The following CNTNAP2 variants were observed in gnomAD, a reference collection of about 807,000 sequenced individuals.
The protein encoded by CNTNAP2 is contactin associated protein 2, also known as contactin-associated protein-like 2.
In CNTNAP2, 98 loss-of-function variants were observed where a neutral mutation model predicts 155.2. That is an observed-to-expected ratio of 0.63 (90% CI 0.54 to 0.75). CNTNAP2 has a LOEUF of 0.75. Ranked by LOEUF, CNTNAP2 falls within the 30% of genes least tolerant of loss-of-function variation. The pLI is 0.00. For missense variants in CNTNAP2, 1,727 were observed against 1,688.1 expected (o/e 1.02, Z -0.40); for synonymous variants, 651 against 631.2 (o/e 1.03, Z -0.47).
chr7:148,053,139 A>G (rs977442995), intron 15 of CNTNAP2, among the ~76,000 whole-genome samples: 2 of 152,260 alleles, frequency 1.3e-5, no homozygotes, highest in Non-Finnish European at 2.9e-5. Flanking sequence ...AAATTATGAT[A>G]GAACACTGAT....
chr7:147,895,390 G>A (rs974101712), intron 13 of CNTNAP2, among the ~76,000 whole-genome samples: 1 of 151,992 alleles, frequency 6.6e-6, no homozygotes, highest in Admixed American at 6.6e-5. Context: ...AATAAAACTT[G>A]ATCTGAAGTG....
chr7:148,034,818 T>G (rs1204511859), intron 15 of CNTNAP2, among the ~76,000 whole-genome samples: 1 of 152,100 alleles, frequency 6.6e-6, no homozygotes, highest in Non-Finnish European at 1.5e-5. Flanking sequence ...ATAGGGGAAG[T>G]AGAGATTACT....
chr7:147,213,252 T>G (rs1278565322), intron 8 of CNTNAP2, among the ~76,000 whole-genome samples: 1 of 152,148 alleles, frequency 6.6e-6, no homozygotes, highest in Non-Finnish European at 1.5e-5. Context: ...AAATTCACCC[T>G]CTCTTCGTCT....
chr7:146,687,256 C>T (rs1800616802), intron 1 of CNTNAP2, among the ~76,000 whole-genome samples: 1 of 152,080 alleles, frequency 6.6e-6, no homozygotes, highest in Admixed American at 6.6e-5. Flanking sequence ...GGTTAAACTG[C>T]CTGGAATGAA....
intron 10 of CNTNAP2, among the ~76,000 whole-genome samples, chr7:147,476,953 A>G (rs976952138): frequency 1.3e-5 from 2 of 150,694 alleles, no homozygotes; most frequent in Non-Finnish European, 3.0e-5. Context: ...AAAAAAAGAT[A>G]CAGCAGGTTG....
intron 1 of CNTNAP2, among the ~76,000 whole-genome samples, chr7:146,182,098 C>G (rs988174696): frequency 6.7e-6 from 1 of 149,240 alleles, no homozygotes; most frequent in East Asian, 1.9e-4. Context: ...AGAAACAATA[C>G]TTTATTTAAT....
intron 14 of CNTNAP2, among the ~76,000 whole-genome samples, chr7:147,929,450 T>C (rs781583522): frequency 3.9e-5 from 6 of 152,118 alleles, no homozygotes; most frequent in Non-Finnish European, 7.3e-5. Context: ...GGTTTTACTA[T>C]CAGTATCACA....
At chr7:148,332,213 T>C (rs1428765164) in intron 21 of CNTNAP2, among the ~76,000 whole-genome samples, 2 of 150,242 alleles carry the variant, frequency 1.3e-5, no homozygotes, top group Non-Finnish European at 3.0e-5. Context: ...AGAGCAAAAA[T>C]CATAATTCCT....
chr7:147,093,240 C>CAAAAAAAAA (rs530286124), intron 4 of CNTNAP2, among the ~76,000 whole-genome samples: 1 of 54,342 alleles, frequency 1.8e-5, no homozygotes, highest in African/African-American at 5.1e-5. Flanking sequence ...GACTCCATCT[C>CAAAAAAAAA]AAAAAAAAAA....
At position 147,882,115 on chromosome 7, in the gene CNTNAP2, CCAATT is replaced by C. The variant is rs776207135; in HGVS notation, c.2099-21449_2099-21445del. ...GAAAATAGACATGTGGCAATATAAT[CCAATT>C]AGGTCACTTCTGAAAACATAATCAG... On this transcript the variant is annotated intron_variant, in intron 13 of 23. Transcript: ENST00000361727. Among the ~76,000 whole-genome samples the C allele has an allele frequency of 3.1e-4, 47 of 151,550 alleles. No homozygotes were observed. The East Asian group carries it at 4.1e-3, about 13-fold the overall frequency.
chr7:147,250,004 T>C (rs1804159386), intron 8 of CNTNAP2, among the ~76,000 whole-genome samples: 3 of 152,204 alleles, frequency 2.0e-5, no homozygotes, highest in Non-Finnish European at 2.9e-5. Flanking sequence ...TGATTGAAAC[T>C]GACTTTTTTC....
At chr7:146,968,392 T>C (rs922885686) in intron 3 of CNTNAP2, among the ~76,000 whole-genome samples, 1 of 150,440 alleles carries the variant, frequency 6.6e-6, no homozygotes, top group Admixed American at 6.6e-5. Context: ...ATGGTACCAG[T>C]TCCTCCTTGT....
intron 10 of CNTNAP2, among the ~76,000 whole-genome samples, chr7:147,469,091 G>A (rs746768009): frequency 1.1e-4 from 17 of 152,102 alleles, no homozygotes; most frequent in Admixed American, 2.0e-4. Flanking sequence ...CCAAAGTGCT[G>A]GGGTTACAGG....
chr7:146,914,652 T>C (rs1299124824), intron 3 of CNTNAP2, among the ~76,000 whole-genome samples: 1 of 152,094 alleles, frequency 6.6e-6, no homozygotes, highest in African/African-American at 2.4e-5. Context: ...GATTGTTTTT[T>C]TGTCTAGTTG....
At chr7:147,036,639 G>C (rs1179288589) in intron 3 of CNTNAP2, among the ~76,000 whole-genome samples, 1 of 152,116 alleles carries the variant, frequency 6.6e-6, no homozygotes. Context: ...TTCACAAGTT[G>C]TTGTAAATGG....
At chr7:146,926,836 C>T (rs1796619708) in intron 3 of CNTNAP2, among the ~76,000 whole-genome samples, 1 of 152,034 alleles carries the variant, frequency 6.6e-6, no homozygotes, top group South Asian at 2.1e-4. Flanking sequence ...AATCACTTTT[C>T]TTGTTCAAAG....
At chr7:146,135,061 A>G (rs1468619312) in intron 1 of CNTNAP2, among the ~76,000 whole-genome samples, 1 of 152,096 alleles carries the variant, frequency 6.6e-6, no homozygotes, top group Non-Finnish European at 1.5e-5. Context: ...TTTATAATGT[A>G]ACATTTCTAA....
chr7:146,283,341 T>C (rs1563020818), intron 1 of CNTNAP2, among the ~76,000 whole-genome samples: 1 of 152,122 alleles, frequency 6.6e-6, no homozygotes, highest in African/African-American at 2.4e-5. Context: ...ACTAACATCA[T>C]GGGAGAAAAA....
chr7:147,631,538 A>G (rs1482417908), intron 12 of CNTNAP2, among the ~76,000 whole-genome samples: 1 of 152,240 alleles, frequency 6.6e-6, no homozygotes, highest in Admixed American at 6.5e-5. Flanking sequence ...GACAAAGCTA[A>G]AAGAACAAAT....
Sources: allele counts gnomAD v4.1 joint callset (sites outside exome capture counted in the v4.1 genomes callset), GRCh38; gene constraint gnomAD v4.1.1; transcripts MANE v1.5; gene names NCBI Gene and HGNC (gene_info 2026-07-23, HGNC 2026-07-21).